Variants in CIMIP6 observed in about 807,000 individuals in gnomAD.
CIMIP6 encodes ciliary microtubule inner protein 6.
At chr2:54,351,451 G>GACCA in the CIMIP6 span, among the ~76,000 whole-genome samples, 1 of 152,146 alleles carries the variant, frequency 6.6e-6, no homozygotes, top group East Asian at 1.9e-4. Context: ...GCCATAAAAA[G>GACCA]GAATGAGATC....
the CIMIP6 span, among the ~76,000 whole-genome samples, chr2:54,367,963 T>C: frequency 1.3e-5 from 2 of 152,176 alleles, no homozygotes; most frequent in Non-Finnish European, 2.9e-5. Flanking sequence ...GTCACATAAT[T>C]TCCTCATTAT....
chr2:54,370,508 T>C, the CIMIP6 span, among the ~76,000 whole-genome samples: 1 of 152,022 alleles, frequency 6.6e-6, no homozygotes, highest in African/African-American at 2.4e-5. Context: ...ACAGTTGACA[T>C]GTTTTTTGGT....
At chr2:54,368,802 T>C in the CIMIP6 span, among the ~76,000 whole-genome samples, 4 of 152,196 alleles carry the variant, frequency 2.6e-5, no homozygotes, top group African/African-American at 4.8e-5. Flanking sequence ...TCATCACACA[T>C]TGTTGTTGAC....
At chr2:54,369,083 G>C in the CIMIP6 span, among the ~76,000 whole-genome samples, 402 of 152,230 alleles carry the variant, frequency 2.6e-3, no homozygotes, top group Middle Eastern at 0.014. Context: ...AAGCATACCA[G>C]GCCACAGGAG....
chr2:54,351,720 G>A, the CIMIP6 span, among the ~76,000 whole-genome samples: 1 of 152,030 alleles, frequency 6.6e-6, no homozygotes, highest in African/African-American at 2.4e-5. Context: ...ACCCCCATGA[G>A]ACAAGCTTAC....
chr2:54,358,407 T>G, the CIMIP6 span, among the ~76,000 whole-genome samples: 4 of 152,012 alleles, frequency 2.6e-5, no homozygotes, highest in Non-Finnish European at 5.9e-5. Context: ...AACAATTTTT[T>G]TTTTTTTCCT....
the CIMIP6 span, among the ~76,000 whole-genome samples, chr2:54,351,797 T>A: frequency 6.6e-6 from 1 of 152,188 alleles, no homozygotes; most frequent in South Asian, 2.1e-4. Context: ...GTTACTATAT[T>A]CTGTTTTCTT....
At chr2:54,347,633 A>C in the CIMIP6 span, among the ~76,000 whole-genome samples, 1 of 152,140 alleles carries the variant, frequency 6.6e-6, no homozygotes, top group Non-Finnish European at 1.5e-5. Context: ...GGGCTCAGTC[A>C]TTTCATAAGG....
the CIMIP6 span, among the ~76,000 whole-genome samples, chr2:54,374,047 C>G: frequency 6.6e-6 from 1 of 152,158 alleles, no homozygotes; most frequent in African/African-American, 2.4e-5. Flanking sequence ...AATTCACTTT[C>G]GTTATTATGT....
the CIMIP6 span, among the ~76,000 whole-genome samples, chr2:54,376,210 C>CT: frequency 0.016 from 2,401 of 147,162 alleles, 60 homozygotes; most frequent in African/African-American, 0.056. Context: ...TGATTTCTAC[C>CT]TTTTTTTTTT....
At chr2:54,344,333 A>C in the CIMIP6 span, among the ~76,000 whole-genome samples, 3 of 152,228 alleles carry the variant, frequency 2.0e-5, no homozygotes, top group Non-Finnish European at 2.9e-5. Flanking sequence ...AGACCCTATT[A>C]CTATAAATAG....
At chr2:54,366,785 C>T in the CIMIP6 span, among the ~76,000 whole-genome samples, 6 of 151,842 alleles carry the variant, frequency 4.0e-5, no homozygotes, top group African/African-American at 1.5e-4. Flanking sequence ...CTAAAATAAA[C>T]TATAAGAATG....
chr2:54,379,386 T>C, the CIMIP6 span, among the ~76,000 whole-genome samples: 1 of 152,228 alleles, frequency 6.6e-6, no homozygotes, highest in Non-Finnish European at 1.5e-5. Context: ...TAATGTGTGG[T>C]TATTAGATCA....
the CIMIP6 span, among the ~76,000 whole-genome samples, chr2:54,369,841 C>T: frequency 6.6e-6 from 1 of 152,328 alleles, no homozygotes; most frequent in South Asian, 2.1e-4. Context: ...GCAGAACAGC[C>T]AAGTGAGATG....
the CIMIP6 span, among the ~76,000 whole-genome samples, chr2:54,337,597 G>T: frequency 6.6e-6 from 1 of 152,100 alleles, no homozygotes; most frequent in Non-Finnish European, 1.5e-5. Context: ...AAGCTGGTTT[G>T]AGAATAGAAA....
the CIMIP6 span, among the ~76,000 whole-genome samples, chr2:54,375,242 C>T: frequency 2.4e-3 from 359 of 151,932 alleles, 2 homozygotes; most frequent in Middle Eastern, 0.02. Context: ...TGTAAGATAA[C>T]AAAGTATTAA....
the CIMIP6 span, among the ~76,000 whole-genome samples, chr2:54,372,756 T>C: frequency 6.6e-6 from 1 of 152,154 alleles, no homozygotes; most frequent in African/African-American, 2.4e-5. Context: ...TCTTTTTAGC[T>C]AAGGCCCCAG....
At chr2:54,342,615 T>G in the CIMIP6 span, among the ~76,000 whole-genome samples, 1 of 151,764 alleles carries the variant, frequency 6.6e-6, no homozygotes, top group Non-Finnish European at 1.5e-5. Flanking sequence ...CACATAGGTT[T>G]TTTTTTTTTT....
chr2:54,369,387 G>A, the CIMIP6 span, among the ~76,000 whole-genome samples: 1 of 152,146 alleles, frequency 6.6e-6, no homozygotes, highest in African/African-American at 2.4e-5. Flanking sequence ...CCCTACGGCA[G>A]GTCTTGGAGC....
Sources: gnomAD v4.1 joint callset for allele counts (sites outside exome capture counted in the v4.1 genomes callset) on GRCh38, gnomAD v4.1.1 for gene constraint, MANE v1.5 for transcripts, NCBI Gene and HGNC (gene_info 2026-07-23, HGNC 2026-07-21) for gene names.